Variants in FGD3 observed in about 807,000 individuals in gnomAD.
FGD3 encodes FYVE, RhoGEF and PH domain-containing protein 3.
Under a neutral mutation model 71.8 loss-of-function variants are expected in FGD3, and 45 were observed. The ratio of observed to expected loss-of-function variants is 0.63; its 90% CI spans 0.49 to 0.80. FGD3 has a LOEUF of 0.80. FGD3 is among the 30% of genes least tolerant of loss of function. FGD3 has a pLI of 0.00. For missense variants in FGD3, 844 were observed against 951.5 expected (o/e 0.89, Z 1.49); for synonymous variants, 378 against 392.8 (o/e 0.96, Z 0.44).
Position 93,028,698 on chromosome 9 carries a change from C to T in FGD3, c.1558-1176C>T, listed in dbSNP as rs536202754. ...GTTTTATGTACTGTGATGAGGCTTA[C>T]GACCCAGGGACCAGTCACCCATCCC... On this transcript the variant is annotated intron_variant, in intron 14 of 17. Transcript: ENST00000375482. Among the ~76,000 whole-genome samples the T allele has an allele frequency of 3.3e-5, 5 of 152,302 alleles. No homozygotes were observed. In the South Asian group the frequency reaches 6.2e-4, roughly 19 times the overall value.
At chr9:92,953,464 T>A (rs1320124651) in intron 1 of FGD3, among the ~76,000 whole-genome samples, 2 of 152,000 alleles carry the variant, frequency 1.3e-5, no homozygotes, top group Non-Finnish European at 2.9e-5. Flanking sequence ...AAGCATCACA[T>A]ATTTTTAAAG....
chr9:93,015,734 C>T lies in FGD3; in HGVS notation c.1183-3C>T. The T allele has an allele frequency of 6.2e-7, 1 of 1,613,946 alleles. No homozygotes were observed. The highest frequency in any genetic ancestry group is 8.5e-7 in the Non-Finnish European group (1 of 1,179,824). ...TTCCTCACCTGTGCCATCCCTCTTG[C>T]AGTTCAACAGCATGATCCTTTACTG... On this transcript the variant is annotated splice_polypyrimidine_tract_variant and splice_region_variant and intron_variant, in intron 9 of 17. Transcript: ENST00000375482.
chr9:92,979,600 A>G (rs533911065), intron 3 of FGD3, among the ~76,000 whole-genome samples: 1 of 152,300 alleles, frequency 6.6e-6, no homozygotes, highest in South Asian at 2.1e-4. Flanking sequence ...CCTTGGTATC[A>G]GGATAATGCT....
At position 93,002,128 on chromosome 9, in the gene FGD3, T is replaced by C. The variant is rs1462855262; in HGVS notation, c.454-797T>C. Among the ~76,000 whole-genome samples the C allele has an allele frequency of 2.6e-5, 4 of 152,222 alleles. No individual in the cohort carries two copies. In the East Asian group the frequency reaches 7.7e-4, roughly 29 times the overall value. On this transcript the variant is annotated intron_variant, in intron 3 of 17. Transcript: ENST00000375482. ...CCATAGTGATGATTTCCAGCTTTAA[T>C]TAGCTCATACTCTGTGCCCTGTCCT... is the stretch of plus-strand genomic sequence containing the variant.
chr9:92,955,113 A>G (rs1399170803), intron 1 of FGD3, among the ~76,000 whole-genome samples: 1 of 152,122 alleles, frequency 6.6e-6, no homozygotes, highest in Non-Finnish European at 1.5e-5. Context: ...GGTGCTCCCA[A>G]TCATTGTAGA....
At chr9:92,992,109 T>C (rs1475484759) in intron 3 of FGD3, among the ~76,000 whole-genome samples, 1 of 152,222 alleles carries the variant, frequency 6.6e-6, no homozygotes, top group Admixed American at 6.5e-5. Context: ...ATTCAGCTAG[T>C]TTATCTTTTA....
intron 1 of FGD3, among the ~76,000 whole-genome samples, chr9:92,953,122 CT>C (rs1036956990): frequency 6.6e-5 from 10 of 152,286 alleles, no homozygotes; most frequent in South Asian, 6.2e-4. Context: ...TGGAATTATC[CT>C]TTATTCAGGG....
chr9:92,965,550 T>A (rs1587814791), intron 1 of FGD3, among the ~76,000 whole-genome samples: 3 of 151,940 alleles, frequency 2.0e-5, no homozygotes, highest in Non-Finnish European at 4.4e-5. Flanking sequence ...GGGGCGGAGG[T>A]CCACGTCTAC....
In FGD3 at chr9:93,011,281, G is replaced by A; in HGVS notation, c.1035+9G>A. 6.2e-7 allele frequency: 1 copy of A among 1,614,080 alleles called. No homozygotes were observed. Among genetic ancestry groups the A allele is most frequent in the Non-Finnish European group, 8.5e-7 (1 of 1,179,974 alleles). On this transcript the variant is annotated intron_variant, in intron 8 of 17. Coordinates refer to ENST00000375482, the MANE Select transcript of FGD3 (RefSeq NM_001083536.2). Reference sequence around the variant, plus strand: ...CTGCCATTCGGAAAGTGGTGAGTGTGGGGCTCCAGTGGCGACCGGCAGGGT... The same window carrying A: ...CTGCCATTCGGAAAGTGGTGAGTGTAGGGCTCCAGTGGCGACCGGCAGGGT...
intron 9 of FGD3, among the ~76,000 whole-genome samples, 191 bp downstream of exon 9, chr9:93,014,189 C>T (rs1233540060): frequency 6.6e-6 from 1 of 152,202 alleles, no homozygotes; most frequent in Non-Finnish European, 1.5e-5. Flanking sequence ...TCCTCCACAT[C>T]CAGACACCAA....
chr9:92,962,041 T>C (rs73651343), intron 1 of FGD3, among the ~76,000 whole-genome samples: 2,468 of 152,290 alleles, frequency 0.016, 59 homozygotes, highest in African/African-American at 0.054. Flanking sequence ...CACTGGGCCA[T>C]TGGGGGGCAG....
At position 93,034,675 on chromosome 9, in the gene FGD3, C is replaced by T. The variant is rs1190389326; in HGVS notation, c.1920C>T (p.Gly640=). Residue 640 remains glycine (G), a synonymous_variant, in exon 17 of 18, where the codon GGC becomes GGT. Coordinates refer to ENST00000375482, the MANE Select transcript of FGD3 (RefSeq NM_001083536.2). ...SDPQVLHLQG[G]SQDGRLPRTI... ...CCCAGGTGCTGCACCTGCAGGGAGGCAGCCAGGTACGTGTCCCCACCCCAC... is the reference window on the plus strand; with the variant it reads ...CCCAGGTGCTGCACCTGCAGGGAGGTAGCCAGGTACGTGTCCCCACCCCAC... 1.2e-6 allele frequency: 2 copies of T among 1,612,534 alleles called. No homozygotes were observed. The highest frequency in any genetic ancestry group is 1.7e-6 in the Non-Finnish European group (2 of 1,179,482).
Position 93,003,937 on chromosome 9 carries a change from C to T in FGD3, c.544-64C>T. 1 of 1,593,086 alleles carries T rather than the reference C, an allele frequency of 6.3e-7. No homozygotes were observed. The highest frequency in any genetic ancestry group is 2.2e-5 in the East Asian group (1 of 44,490). ...CGAGCGCCCTCACCTGTGGCCGAAG[C>T]GGGGCGGCAACTGTGCTCAGTGGAA... On this transcript the variant is annotated intron_variant, in intron 4 of 17. Coordinates refer to ENST00000375482, the MANE Select transcript of FGD3 (RefSeq NM_001083536.2). The surrounding 1 kb of genome is among the most constrained non-coding windows in gnomAD (Gnocchi z 4.1).
At chr9:93,011,334 C>G in intron 8 of FGD3, 62 bp downstream of exon 8, 5 of 1,594,798 alleles carry the variant, frequency 3.1e-6, no homozygotes, top group Non-Finnish European at 4.3e-6. Flanking sequence ...GGCCAGGGGC[C>G]CTTGTGGGCC....
intron 1 of FGD3, among the ~76,000 whole-genome samples, chr9:92,957,099 C>G (rs1423423102): frequency 1.3e-5 from 2 of 152,214 alleles, no homozygotes; most frequent in African/African-American, 2.4e-5. Flanking sequence ...TACGCATTCT[C>G]CAGTTGTCAG....
chr9:93,025,819 C>T (rs1037339361), intron 14 of FGD3, among the ~76,000 whole-genome samples: 1 of 152,212 alleles, frequency 6.6e-6, no homozygotes, highest in Non-Finnish European at 1.5e-5. Context: ...AAGGAGCCAG[C>T]GAGGCATCTA....
chr9:92,971,055 G>C (rs1431843432), intron 1 of FGD3, among the ~76,000 whole-genome samples: 1 of 152,062 alleles, frequency 6.6e-6, no homozygotes, highest in African/African-American at 2.4e-5. Context: ...TGACAATTAG[G>C]GGCTCCTCAA....
intron 3 of FGD3, among the ~76,000 whole-genome samples, chr9:92,978,299 A>G (rs899007562): frequency 2.6e-5 from 4 of 151,658 alleles, no homozygotes; most frequent in African/African-American, 9.7e-5. Context: ...AAAAAAAAAA[A>G]GAATAAACTA....
At chr9:92,956,728 C>G (rs559508160) in intron 1 of FGD3, among the ~76,000 whole-genome samples, 1 of 152,148 alleles carries the variant, frequency 6.6e-6, no homozygotes, top group African/African-American at 2.4e-5. Flanking sequence ...TCCAGAGTAC[C>G]ACAGGGCACC....
Sources: allele counts gnomAD v4.1 joint callset (sites outside exome capture counted in the v4.1 genomes callset), GRCh38; gene constraint gnomAD v4.1.1; non-coding constraint Gnocchi (gnomAD v3.1); transcripts MANE v1.5; gene names NCBI Gene and HGNC (gene_info 2026-07-23, HGNC 2026-07-21).